The following CAB39L variants were observed in gnomAD, a reference collection of about 807,000 sequenced individuals.
The protein encoded by CAB39L is calcium-binding protein 39-like.
CAB39L carries 23 observed loss-of-function variants against 39.1 expected under a neutral mutation model. That is an observed-to-expected ratio of 0.59 (90% CI 0.42 to 0.83). The LOEUF (loss-of-function observed/expected upper bound fraction) is 0.83. Ranked by LOEUF, CAB39L falls within the 40% of genes least tolerant of loss-of-function variation. The pLI is 0.00. For synonymous variants in CAB39L, 126 were observed against 137.2 expected (o/e 0.92, Z 0.57); for missense variants, 366 against 391.9 (o/e 0.93, Z 0.56).
chr13:49,417,006 T>A (rs1282138398), intron 3 of CAB39L, among the ~76,000 whole-genome samples: 1 of 152,232 alleles, frequency 6.6e-6, no homozygotes, highest in Non-Finnish European at 1.5e-5. Flanking sequence ...AATTTGGTGT[T>A]TCTCTTTGAT....
At chr13:49,388,962 C>A (rs7335977) in intron 3 of CAB39L, among the ~76,000 whole-genome samples, 6 of 151,926 alleles carry the variant, frequency 3.9e-5, no homozygotes, top group Admixed American at 2.0e-4. Flanking sequence ...CCAACAAAAG[C>A]GGGGGAACAT....
At chr13:49,412,531 T>G (rs139349651) in intron 3 of CAB39L, among the ~76,000 whole-genome samples, 1 of 152,318 alleles carries the variant, frequency 6.6e-6, no homozygotes, top group African/African-American at 2.4e-5. Context: ...CACATGCAAC[T>G]CATTTTCAAA....
At chr13:49,381,301 C>T (rs752999503) in intron 4 of CAB39L, among the ~76,000 whole-genome samples, 14 of 152,184 alleles carry the variant, frequency 9.2e-5, no homozygotes, top group Non-Finnish European at 1.6e-4. Flanking sequence ...TACTAAAGAC[C>T]GGAAGCATCT....
intron 8 of CAB39L, 138 bp from the exon 9 acceptor site, chr13:49,339,880 G>A (rs1460976824): frequency 1.4e-5 from 15 of 1,088,018 alleles, no homozygotes; most frequent in Admixed American, 4.5e-5. Context: ...GAAGACACTG[G>A]GGGACAGGGA....
chr13:49,400,423 C>T (rs1956738709), intron 3 of CAB39L, among the ~76,000 whole-genome samples: 1 of 148,132 alleles, frequency 6.8e-6, no homozygotes, highest in South Asian at 2.1e-4. Context: ...TTTCTTTGCT[C>T]TATTGCTTAT....
At chr13:49,417,016 T>C (rs1957096660) in intron 3 of CAB39L, among the ~76,000 whole-genome samples, 2 of 152,214 alleles carry the variant, frequency 1.3e-5, no homozygotes, top group Non-Finnish European at 2.9e-5. Context: ...TTCTCTTTGA[T>C]GCCTAAATAG....
intron 9 of CAB39L, among the ~76,000 whole-genome samples, chr13:49,338,694 G>T (rs1032851671): frequency 6.6e-6 from 1 of 152,028 alleles, no homozygotes; most frequent in East Asian, 1.9e-4. Context: ...GCAAAATTTC[G>T]TATATGCGAT....
At chr13:49,359,268 A>G (rs1029116201) in intron 6 of CAB39L, among the ~76,000 whole-genome samples, 2 of 152,174 alleles carry the variant, frequency 1.3e-5, no homozygotes, top group Non-Finnish European at 2.9e-5. Flanking sequence ...AGACCCATAT[A>G]CATTCACCTT....
Position 49,329,542 on chromosome 13 carries a change from AAAATATATATATATATATATATATAT to A in CAB39L, c.834+2379_834+2404del, listed in dbSNP as rs1429190827. 3.9e-4 allele frequency among the ~76,000 whole-genome samples: 15 copies of A among 38,428 alleles called. 1 individual carries two copies. Among genetic ancestry groups the A allele is most frequent in the Admixed American group, 2.3e-3 (7 of 3,092 alleles). 25.2% of individuals were successfully genotyped at this position (38,428 alleles called of 152,430 possible). A position where few individuals can be genotyped will look rare whatever the true frequency, so the allele number is the denominator to read the frequency against. ...CTACATATCTCTTCAATTAAAAAAAAAAATATATATATATATATATATATATATATATATATATATATATATATATA... is the reference window on the plus strand; with the variant it reads ...CTACATATCTCTTCAATTAAAAAAAAATATATATATATATATATATATATA... On this transcript the variant is annotated intron_variant, in intron 10 of 10. Transcript: ENST00000409308.
At chr13:49,427,318 A>C (rs1194066463) in intron 3 of CAB39L, among the ~76,000 whole-genome samples, 5 of 152,200 alleles carry the variant, frequency 3.3e-5, no homozygotes. Context: ...TTAGATTTAC[A>C]CTGACAGTGT....
At chr13:49,365,890 C>A (rs1297306950) in intron 5 of CAB39L, among the ~76,000 whole-genome samples, 1 of 152,156 alleles carries the variant, frequency 6.6e-6, no homozygotes, top group Non-Finnish European at 1.5e-5. Context: ...GATTTGGAAA[C>A]AACCTAAATG....
At chr13:49,443,152 GA>G (rs1293040291) in intron 1 of CAB39L, among the ~76,000 whole-genome samples, 2 of 148,808 alleles carry the variant, frequency 1.3e-5, no homozygotes, top group Non-Finnish European at 3.0e-5. Flanking sequence ...ACCCCAAAAA[GA>G]GCTCAGAAAT....
chr13:49,393,860 G>A (rs1447915183), intron 3 of CAB39L, among the ~76,000 whole-genome samples: 1 of 151,650 alleles, frequency 6.6e-6, no homozygotes, highest in Non-Finnish European at 1.5e-5. Context: ...ATTTTAAAAA[G>A]GAAAATTAGG....
At chr13:49,328,632 A>G (rs937301395) in intron 10 of CAB39L, among the ~76,000 whole-genome samples, 1 of 152,098 alleles carries the variant, frequency 6.6e-6, no homozygotes, top group African/African-American at 2.4e-5. Flanking sequence ...GGAGTTTGAG[A>G]CCAGCCTAGG....
At position 49,359,707 on chromosome 13, in the gene CAB39L, T is replaced by C. The variant is rs1173258679; in HGVS notation, c.395+7A>G. The C allele has an allele frequency of 2.0e-6, 3 of 1,489,078 alleles. No individual in the cohort carries two copies. Among genetic ancestry groups the C allele is most frequent in the South Asian group, 2.3e-5 (2 of 86,840 alleles). 92.2% of individuals were successfully genotyped at this position (1,489,078 alleles called of 1,614,324 possible). A position where few individuals can be genotyped will look rare whatever the true frequency, so the allele number is the denominator to read the frequency against. ...TAGCCCTACTTGAAAGGAAGCCATG[T>C]ACCTACCCTTTGAGGAGCATAAACA... On this transcript the variant is annotated splice_region_variant and intron_variant, in intron 6 of 10. Coordinates refer to ENST00000409308, the MANE Select transcript of CAB39L (RefSeq NM_001079670.3).
chr13:49,426,835 G>A (rs1957252377), intron 3 of CAB39L, among the ~76,000 whole-genome samples: 2 of 152,132 alleles, frequency 1.3e-5, no homozygotes, highest in South Asian at 4.1e-4. Context: ...ATTACTATAC[G>A]TGTTTGTTTC....
rs1378198955 is a variant in CAB39L at position 49,331,947 on chromosome 13, C to T, written c.834G>A (p.Lys278=). ...NIQFEAFHVF[K]VFVASPHKTQ... ...TGTTTCCAGAGCTTGTACTTTTTAC[C>T]TTAAAAACATGAAAGGCTTCAAACT... Residue 278 remains lysine, a splice_region_variant and synonymous_variant, in exon 10 of 11, where the codon AAG becomes AAA. Transcript: ENST00000409308. The T allele has an allele frequency of 1.4e-5, 22 of 1,613,630 alleles. No homozygotes were observed. Among genetic ancestry groups the T allele is most frequent in the Non-Finnish European group, 6.8e-6 (8 of 1,179,902 alleles).
chr13:49,405,196 T>A (rs2138667177), intron 3 of CAB39L, among the ~76,000 whole-genome samples: 1 of 151,500 alleles, frequency 6.6e-6, no homozygotes, highest in African/African-American at 2.4e-5. Flanking sequence ...AAGAAAAGAA[T>A]AACATATAAA....
At chr13:49,330,822 A>G (rs9568187) in intron 10 of CAB39L, among the ~76,000 whole-genome samples, 12,660 of 151,938 alleles carry the variant, frequency 0.083, 1,021 homozygotes, top group East Asian at 0.45. Context: ...AGCTGGATGC[A>G]TAAAATGCAC....
Sources: gnomAD v4.1 joint callset for allele counts (sites outside exome capture counted in the v4.1 genomes callset) on GRCh38, gnomAD v4.1.1 for gene constraint, MANE v1.5 for transcripts, NCBI Gene and HGNC (gene_info 2026-07-23, HGNC 2026-07-21) for gene names.